RAPGEF6: variants seen among roughly 807,000 people sequenced by gnomAD.
RAPGEF6 encodes PDZ domain containing guanine nucleotide exchange factor (GEF) 2.
A neutral mutation model predicts 171.4 loss-of-function variants in RAPGEF6; 56 were observed. That is an observed-to-expected ratio of 0.33 (90% CI 0.26 to 0.41). The LOEUF (loss-of-function observed/expected upper bound fraction) is 0.41. RAPGEF6 is among the 10% of genes least tolerant of loss of function. The pLI is 1.00. For missense variants in RAPGEF6, 1,674 were observed against 1,921.4 expected (o/e 0.87, Z 2.41); for synonymous variants, 692 against 650.1 (o/e 1.06, Z -0.98).
rs1751671347 is a variant in RAPGEF6 at position 131,431,074 on chromosome 5, C to A, written c.4250G>T (p.Cys1417Phe). 1.2e-6 allele frequency: 2 copies of A among 1,614,202 alleles called. No homozygotes were observed. Among genetic ancestry groups the A allele is most frequent in the African/African-American group, 2.7e-5 (2 of 75,046 alleles). The change falls in exon 26 of 28, where the codon TGC (cysteine) becomes TTC (phenylalanine). Residue 1417 changes from cysteine (C) to phenylalanine (F), a missense_variant. By Grantham distance (205) the Cys-to-Phe change is radical (BLOSUM62 -2). This residue lies in a region of RAPGEF6 where 552 missense variants were observed against 574.2 expected (regional missense o/e 0.96). Transcript: ENST00000509018. ...TTTACACTGCCCACAAGTTCTAGAG[C>A]AGCTTTTAGAACAGGAATAGGGCTC... ...DSEPYSCSKS[C>F]SRTCGQCKGS...
intron 3 of RAPGEF6, among the ~76,000 whole-genome samples, chr5:131,601,409 AGTGGC>A: frequency 6.6e-6 from 1 of 151,718 alleles, no homozygotes. Flanking sequence ...AAAAAGGAAA[AGTGGC>A]ACAGTGGAAA....
At chr5:131,597,104 T>C (rs1763947736) in intron 3 of RAPGEF6, among the ~76,000 whole-genome samples, 1 of 151,696 alleles carries the variant, frequency 6.6e-6, no homozygotes, top group African/African-American at 2.4e-5. Flanking sequence ...AAATAGCCAA[T>C]AGGTATATAA....
chr5:131,597,033 C>CA (rs928097233), intron 3 of RAPGEF6, among the ~76,000 whole-genome samples: 338 of 149,122 alleles, frequency 2.3e-3, no homozygotes, highest in African/African-American at 7.0e-3. Context: ...AACTTAATAG[C>CA]AAAAAAAAAC....
intron 6 of RAPGEF6, among the ~76,000 whole-genome samples, chr5:131,547,738 T>C (rs987611634): frequency 2.6e-5 from 4 of 152,010 alleles, no homozygotes; most frequent in Admixed American, 2.6e-4. Flanking sequence ...CTTGAACTCC[T>C]GACCTTGTGA....
chr5:131,523,082 C>T (rs182652762), intron 6 of RAPGEF6, among the ~76,000 whole-genome samples: 24 of 152,078 alleles, frequency 1.6e-4, no homozygotes, highest in African/African-American at 4.6e-4. Context: ...GCACATATGA[C>T]GAGACAGGAT....
At chr5:131,574,039 G>A (rs10477734) in intron 4 of RAPGEF6, among the ~76,000 whole-genome samples, 139,130 of 152,170 alleles carry the variant, frequency 0.91, 63,803 homozygotes, top group Middle Eastern at 0.98. Context: ...CCTTCACTGT[G>A]AGACAACCCA....
intron 6 of RAPGEF6, chr5:131,532,172 G>A (rs780705987): frequency 2.2e-6 from 1 of 448,832 alleles, no homozygotes; most frequent in South Asian, 1.6e-5. Context: ...GCTGGAAAGG[G>A]TAGTTTCCTT....
In RAPGEF6 at chr5:131,508,152, A is replaced by G; in HGVS notation, c.861T>C (p.Ser287=). 1 of 1,613,408 alleles carries G rather than the reference A, an allele frequency of 6.2e-7. No homozygotes were observed. The highest frequency in any genetic ancestry group is 1.1e-5 in the South Asian group (1 of 90,998). ...QLPAFANMTM[S]VRRELCSVMI... ...TCACTGAGCAGAGTTCTCTCCTTAC[A>G]GACATGGTCATGTTTGCAAATGCAG... Residue 287 remains serine (S), a synonymous_variant, in exon 9 of 28, where the codon TCT becomes TCC. Coordinates refer to ENST00000509018, the MANE Select transcript of RAPGEF6 (RefSeq NM_016340.6).
chr5:131,542,072 TTC>T (rs1760192007), intron 6 of RAPGEF6, among the ~76,000 whole-genome samples: 3 of 152,246 alleles, frequency 2.0e-5, no homozygotes, highest in African/African-American at 7.2e-5. Context: ...AAGTGAGTGA[TTC>T]TGAGGGTAAA....
At position 131,442,390 on chromosome 5, in the gene RAPGEF6, T is replaced by C. The variant is rs1245009932; in HGVS notation, c.3569A>G (p.His1190Arg). The part of the protein sequence containing the change: ...QVLQVPAVNL[H>R]PIRKKGQTKD... Reference sequence around the variant, plus strand: ...TGTTTGTCCCTTCTTCCTGATGGGGTGCAAATTAACAGCTGGCACCTGAAG... The same window carrying C: ...TGTTTGTCCCTTCTTCCTGATGGGGCGCAAATTAACAGCTGGCACCTGAAG... Residue 1190 changes from histidine (H) to arginine (R), a missense_variant, in exon 23 of 28, where the codon CAC (histidine) becomes CGC (arginine). Transcript: ENST00000509018. 3 of 1,614,138 alleles carry C rather than the reference T, an allele frequency of 1.9e-6. No homozygotes were observed. The highest frequency in any genetic ancestry group is 2.5e-6 in the Non-Finnish European group (3 of 1,179,992).
chr5:131,489,051 G>C (rs1756113314), intron 15 of RAPGEF6, among the ~76,000 whole-genome samples: 1 of 152,172 alleles, frequency 6.6e-6, no homozygotes, highest in Non-Finnish European at 1.5e-5. Flanking sequence ...CACAAAGGTA[G>C]AGTATGCTCT....
At position 131,473,932 on chromosome 5, in the gene RAPGEF6, A is replaced by G. The variant is rs551984989; in HGVS notation, c.2082-1188T>C. 2.0e-5 allele frequency among the ~76,000 whole-genome samples: 3 copies of G among 152,302 alleles called. No individual in the cohort carries two copies. In the East Asian group the frequency reaches 5.8e-4, roughly 29 times the overall value. On this transcript the variant is annotated intron_variant, in intron 16 of 27. Coordinates refer to ENST00000509018, the MANE Select transcript of RAPGEF6 (RefSeq NM_016340.6). Reference sequence around the variant, plus strand: ...TCAGAGAAAAGCAAAGAGACATGGAAGAAAGCAAAGATTAGTGTTTCAAGG... The same window carrying G: ...TCAGAGAAAAGCAAAGAGACATGGAGGAAAGCAAAGATTAGTGTTTCAAGG...
chr5:131,582,823 T>C (rs187615767), intron 4 of RAPGEF6, among the ~76,000 whole-genome samples: 264 of 152,344 alleles, frequency 1.7e-3, no homozygotes, highest in Non-Finnish European at 2.2e-3. Flanking sequence ...AGATATGAAT[T>C]CTCATAGACT....
intron 3 of RAPGEF6, 135 bp from the exon 4 acceptor site, chr5:131,592,601 AT>A: frequency 7.0e-7 from 1 of 1,425,876 alleles, no homozygotes; most frequent in Non-Finnish European, 9.2e-7. Flanking sequence ...AATTTGGAAT[AT>A]TTTGCCTGTT....
intron 4 of RAPGEF6, among the ~76,000 whole-genome samples, chr5:131,570,829 A>AT: frequency 6.6e-6 from 1 of 152,232 alleles, no homozygotes. Context: ...GAAAGTAGAG[A>AT]TTACAGAGGG....
intron 23 of RAPGEF6, among the ~76,000 whole-genome samples, chr5:131,441,881 T>C (rs1254692632): frequency 2.0e-5 from 3 of 152,152 alleles, no homozygotes; most frequent in African/African-American, 7.2e-5. Context: ...AATGACTATA[T>C]GGCCTAACAG....
At chr5:131,531,630 G>A (rs1561540871) in intron 6 of RAPGEF6, among the ~76,000 whole-genome samples, 2 of 151,940 alleles carry the variant, frequency 1.3e-5, no homozygotes, top group Non-Finnish European at 2.9e-5. Context: ...TTATTTCACT[G>A]CTCAAGAATT....
chr5:131,437,239 T>TA (rs1003365717), intron 24 of RAPGEF6, among the ~76,000 whole-genome samples: 4 of 152,208 alleles, frequency 2.6e-5, no homozygotes, highest in African/African-American at 9.6e-5. Flanking sequence ...CACAAACCTA[T>TA]AAACATGGTG....
intron 7 of RAPGEF6, among the ~76,000 whole-genome samples, chr5:131,516,172 C>A (rs1758070390): frequency 6.8e-6 from 1 of 148,114 alleles, no homozygotes; most frequent in African/African-American, 2.5e-5. Context: ...CACTGCACCT[C>A]TGCCTCCTGG....
Sources: gnomAD v4.1 joint callset for allele counts (sites outside exome capture counted in the v4.1 genomes callset) on GRCh38, gnomAD v4.1.1 for gene constraint, gnomAD v4.1.1 regional missense constraint, MANE v1.5 for transcripts, NCBI Gene and HGNC (gene_info 2026-07-23, HGNC 2026-07-21) for gene names.